The following MTMR14 variants were observed in gnomAD, a reference collection of about 807,000 sequenced individuals.
MTMR14 encodes myotubularin related protein 14.
A neutral mutation model predicts 86.3 loss-of-function variants in MTMR14; 48 were observed. The observed-to-expected ratio is 0.56, with a 90% CI of 0.44 to 0.71. The LOEUF (loss-of-function observed/expected upper bound fraction) is 0.71. Among genes scored for constraint, MTMR14 ranks in the 30% least tolerant of loss-of-function variants. The pLI, the probability that MTMR14 is intolerant of heterozygous loss-of-function variation, is 0.00. For synonymous variants in MTMR14, 366 were observed against 326.1 expected, an observed-to-expected ratio of 1.12 and a Z score of -1.32; for missense variants, 780 against 834.6, an observed-to-expected ratio of 0.93 and a Z score of 0.81.
rs1287904215 is a variant in MTMR14, at chr3:9,677,602, T to C, written c.822+215T>C. On this transcript the variant is annotated intron_variant, in intron 8 of 18. Transcript: ENST00000296003. The surrounding 1 kb of genome is among the most constrained non-coding windows in gnomAD (Gnocchi z 4.2). ...TACTTTCCTCCCCCCTTTATTTCTC[T>C]TTTGTTTAAGGGAATTTTTCAGAAA... Among the ~76,000 whole-genome samples the C allele has an allele frequency of 6.6e-6, 1 of 152,142 alleles. No homozygotes were observed. The highest frequency in any genetic ancestry group is 1.5e-5 in the Non-Finnish European group (1 of 68,024).
Position 9,689,984 on chromosome 3 carries a change from C to T in MTMR14, c.1454C>T (p.Ser485Phe), listed in dbSNP as rs761269407. 2.5e-6 allele frequency: 4 copies of T among 1,611,074 alleles called. No individual in the cohort carries two copies. The highest frequency in any genetic ancestry group is 1.7e-5 in the Admixed American group (1 of 59,908). The change falls in exon 17 of 19, where the codon TCT becomes TTT. Residue 485 changes from serine (S) to phenylalanine (F), a missense_variant. Physicochemically the swap from Ser to Phe is radical, Grantham distance 155. Coordinates refer to ENST00000296003, the MANE Select transcript of MTMR14 (RefSeq NM_001077525.3). Reference sequence around the variant, plus strand: ...TGCAGGAGGAAGAGCCACTCATCCTCTCCACAGAGTGTCCTCTGGAACCGG... The same window carrying T: ...TGCAGGAGGAAGAGCCACTCATCCTTTCCACAGAGTGTCCTCTGGAACCGG... ...QAAWRKSHSS[S>F]PQSVLWNRPQ...
At chr3:9,685,110 C>T in intron 12 of MTMR14, 101 bp from the exon 13 acceptor site, 1 of 1,538,722 alleles carries the variant, frequency 6.5e-7, no homozygotes, top group Non-Finnish European at 9.0e-7. Context: ...CCCCACCTGC[C>T]ACGCTGGTGC....
At chr3:9,654,892 T>A (rs1360507651) in intron 2 of MTMR14, among the ~76,000 whole-genome samples, 6 of 152,198 alleles carry the variant, frequency 3.9e-5, no homozygotes, top group Admixed American at 3.3e-4. Flanking sequence ...GGGGAAATGG[T>A]TAATTCTGCC....
intron 1 of MTMR14, among the ~76,000 whole-genome samples, chr3:9,650,821 T>G (rs1170423534): frequency 6.6e-6 from 1 of 151,626 alleles, no homozygotes; most frequent in African/African-American, 2.4e-5. Flanking sequence ...GGAGTCTCGC[T>G]TTGTCGCCTA....
chr3:9,695,102 CTT>C (rs1332744920), intron 17 of MTMR14, among the ~76,000 whole-genome samples: 1 of 152,200 alleles, frequency 6.6e-6, no homozygotes, highest in Non-Finnish European at 1.5e-5. Flanking sequence ...GGGCAAAAGA[CTT>C]TGGGCTCTTG....
intron 16 of MTMR14, among the ~76,000 whole-genome samples, 165 bp from the exon 17 acceptor site, chr3:9,689,799 A>C (rs1465202800): frequency 6.6e-6 from 1 of 152,252 alleles, no homozygotes; most frequent in East Asian, 1.9e-4. Flanking sequence ...ATAAAGACCC[A>C]GCCCTGCTGC....
chr3:9,677,392 G>T lies in MTMR14; in HGVS notation c.822+5G>T. 1.2e-6 allele frequency: 2 copies of T among 1,612,958 alleles called. No individual in the cohort carries two copies. Among genetic ancestry groups the T allele is most frequent in the South Asian group, 2.2e-5 (2 of 91,024 alleles). ...CTCATATTTAACTGGAAGCAGGTAT[G>T]AGCAATAACATACATCAAATTGGAT... is the stretch of plus-strand genomic sequence containing the variant. On this transcript the variant is annotated splice_donor_5th_base_variant and intron_variant, in intron 8 of 18. Coordinates refer to ENST00000296003, the MANE Select transcript of MTMR14 (RefSeq NM_001077525.3). The surrounding 1 kb of genome is among the most constrained non-coding windows in gnomAD (Gnocchi z 4.2).
intron 5 of MTMR14, 105 bp from the exon 6 acceptor site, chr3:9,670,943 C>A: frequency 6.8e-7 from 1 of 1,472,608 alleles, no homozygotes; most frequent in South Asian, 1.1e-5. Context: ...CACGCCCCAG[C>A]TTCTGGAGAA....
rs963895904 is a variant in MTMR14 at position 9,690,028 on chromosome 3, C to A, written c.1498C>A (p.Arg500Ser). Residue 500 changes from arginine (R) to serine (S), a missense_variant, in exon 17 of 19, where the codon CGC (arginine) becomes AGC (serine). By Grantham distance (110) the Arg-to-Ser change is moderately radical. Transcript: ENST00000296003. ...GAACCGGCCACAACCCTCAGAGGAC[C>A]GCTTGCCTTCCCAGCAGGGGCTGGC... ...LWNRPQPSEDRLPSQQGLAEA... is the reference protein window; with the variant it reads ...LWNRPQPSEDSLPSQQGLAEA... 4 of 1,612,572 alleles carry A rather than the reference C, an allele frequency of 2.5e-6. No homozygotes were observed. Among genetic ancestry groups the A allele is most frequent in the Non-Finnish European group, 3.4e-6 (4 of 1,179,894 alleles).
chr3:9,684,487 G>C, intron 10 of MTMR14, 98 bp from the exon 11 acceptor site: 1 of 1,144,496 alleles, frequency 8.7e-7, no homozygotes, highest in East Asian at 2.3e-5. Context: ...AGCTGGTGGG[G>C]CCTGGCTCCC....
chr3:9,670,332 G>A (rs2048499697), intron 5 of MTMR14, among the ~76,000 whole-genome samples: 1 of 152,172 alleles, frequency 6.6e-6, no homozygotes, highest in Non-Finnish European at 1.5e-5. Context: ...GGTGACCTCT[G>A]CCCAGCCAGG....
intron 2 of MTMR14, among the ~76,000 whole-genome samples, chr3:9,657,712 G>A (rs961663418): frequency 6.6e-6 from 1 of 151,964 alleles, no homozygotes; most frequent in East Asian, 1.9e-4. Flanking sequence ...CACCATGCCC[G>A]GCCAATTTTT....
chr3:9,670,458 TATC>T, intron 5 of MTMR14, among the ~76,000 whole-genome samples: 1 of 152,394 alleles, frequency 6.6e-6, no homozygotes, highest in Admixed American at 6.5e-5. Context: ...CTTCTGCCTG[TATC>T]TGCAGGGCTG....
rs113538914 is a variant in MTMR14, at chr3:9,653,385, A to G, written c.160-236A>G. Among the ~76,000 whole-genome samples the G allele has an allele frequency of 1.1e-3, 165 of 152,176 alleles. 1 individual carries two copies. Among genetic ancestry groups the G allele is most frequent in the Middle Eastern group, 3.4e-3 (1 of 294 alleles). ...TGTAATCGTCTCCCCCAAATGCTCA[A>G]TACCCACAATTTCAGATTCATTGTT... is the stretch of plus-strand genomic sequence containing the variant. On this transcript the variant is annotated intron_variant, in intron 1 of 18. Transcript: ENST00000296003.
chr3:9,662,083 C>G (rs902849144), intron 2 of MTMR14, among the ~76,000 whole-genome samples, 184 bp from the exon 3 acceptor site: 1 of 150,932 alleles, frequency 6.6e-6, no homozygotes, highest in Non-Finnish European at 1.5e-5. Context: ...AGTGAAACTC[C>G]GTCTCAAAAA....
Position 9,649,593 on chromosome 3 carries a change from G to C in MTMR14, c.10G>C (p.Ala4Pro), listed in dbSNP as rs1574900666. Residue 4 changes from alanine to proline, a missense_variant, in exon 1 of 19, where the codon GCT becomes CCT. Physicochemically the swap from Ala to Pro is conservative, Grantham distance 27. Coordinates refer to ENST00000296003, the MANE Select transcript of MTMR14 (RefSeq NM_001077525.3). ...GACGCGGGGCTGGGCCATGGCCGGC[G>C]CTCGGGCCGCCGCCGCCGCTGCCTC... MAG[A>P]RAAAAAASAG... 6.5e-7 allele frequency: 1 copy of C among 1,545,392 alleles called. No individual in the cohort carries two copies. The highest frequency in any genetic ancestry group is 8.7e-7 in the Non-Finnish European group (1 of 1,145,388).
At chr3:9,696,915 C>T (rs937392526) in intron 17 of MTMR14, among the ~76,000 whole-genome samples, 3 of 152,116 alleles carry the variant, frequency 2.0e-5, no homozygotes, top group East Asian at 1.9e-4. Context: ...ATTGCCTCCC[C>T]GACCCACACT....
rs530050940 is a variant in MTMR14, at chr3:9,680,662, A to G, written c.898-2516A>G. Among the ~76,000 whole-genome samples the G allele has an allele frequency of 1.9e-3, 289 of 152,218 alleles. 1 individual carries two copies. Among genetic ancestry groups the G allele is most frequent in the African/African-American group, 5.7e-3 (237 of 41,512 alleles). ...AGATCGAGACCATCGTGGCTAACAC[A>G]GTGAAACCCAATCTCTACTAAAAAA... On this transcript the variant is annotated intron_variant, in intron 9 of 18. Transcript: ENST00000296003.
At chr3:9,697,005 A>G (rs956558550) in intron 17 of MTMR14, among the ~76,000 whole-genome samples, 5 of 151,840 alleles carry the variant, frequency 3.3e-5, no homozygotes, top group African/African-American at 7.3e-5. Context: ...TCCCAGCACA[A>G]CCTTCTTCCT....
Sources: gnomAD v4.1 joint callset for allele counts (sites outside exome capture counted in the v4.1 genomes callset) on GRCh38, gnomAD v4.1.1 for gene constraint, Gnocchi (gnomAD v3.1) non-coding constraint, MANE v1.5 for transcripts, NCBI Gene and HGNC (gene_info 2026-07-23, HGNC 2026-07-21) for gene names.